RBBP8: variants seen among roughly 807,000 people sequenced by gnomAD.
The protein encoded by RBBP8 is RB binding protein 8, endonuclease.
In RBBP8, 88 loss-of-function variants were observed where a neutral mutation model predicts 108.3. The ratio of observed to expected loss-of-function variants is 0.81; its 90% CI spans 0.68 to 0.97. RBBP8 has a LOEUF of 0.97. RBBP8 is among the 50% of genes least tolerant of loss of function. The pLI, the probability that RBBP8 is intolerant of heterozygous loss-of-function variation, is 0.00. For synonymous variants in RBBP8, 332 were observed against 348.2 expected (o/e 0.95, Z 0.52); for missense variants, 1,023 against 1,049.0 (o/e 0.98, Z 0.34).
In RBBP8 at chr18:22,993,526, T is replaced by A. The variant is rs1915852944; in HGVS notation, c.1699T>A (p.Cys567Ser). 1.9e-6 allele frequency: 3 copies of A among 1,613,220 alleles called. No homozygotes were observed. The highest frequency in any genetic ancestry group is 2.5e-6 in the Non-Finnish European group (3 of 1,179,816). ...CATCATCCTTCAGCCCTTGAATAAA[T>A]GCTCTCCAGACAATAAACCATCATT... ...ECIILQPLNK[C>S]SPDNKPSLQI... The change falls in exon 11 of 19, where the codon TGC becomes AGC. Residue 567 changes from cysteine to serine, a missense_variant. Transcript: ENST00000327155.
chr18:22,957,414 C>A (rs1912675934), intron 4 of RBBP8, among the ~76,000 whole-genome samples: 1 of 143,250 alleles, frequency 7.0e-6, no homozygotes, highest in African/African-American at 2.6e-5. Context: ...AACAGTGAAA[C>A]CATATTGAAT....
At chr18:23,019,290 T>A (rs1470936092) in intron 17 of RBBP8, among the ~76,000 whole-genome samples, 4 of 152,232 alleles carry the variant, frequency 2.6e-5, no homozygotes, top group Non-Finnish European at 4.4e-5. Context: ...TTCTCAATAA[T>A]CATTTCCCGT....
At chr18:23,026,004 C>G in intron 18 of RBBP8, 139 bp from the exon 19 acceptor site, 1 of 719,180 alleles carries the variant, frequency 1.4e-6, no homozygotes, top group Non-Finnish European at 2.4e-6. Context: ...TGAGATCAAT[C>G]ATCAGCATCA....
chr18:23,009,586 C>A (rs2046120589), intron 16 of RBBP8, among the ~76,000 whole-genome samples: 1 of 150,954 alleles, frequency 6.6e-6, no homozygotes, highest in Non-Finnish European at 1.5e-5. Flanking sequence ...TACCAGACTA[C>A]AAGTATATTC....
rs1234728079 is a variant in RBBP8, at chr18:23,026,219, A to C, written c.2673A>C (p.Lys891Asn). Residue 891 changes from lysine (K) to asparagine (N), a missense_variant, in exon 19 of 19, where the codon AAA (lysine) becomes AAC (asparagine). Coordinates refer to ENST00000327155, the MANE Select transcript of RBBP8 (RefSeq NM_002894.3). ...RQPYNAIFSP[K>N]GKEQKT ...CTTACAACGCAATATTTTCTCCAAA[A>C]GGCAAGGAGCAGAAGACATAGACGT... 5.0e-6 allele frequency: 8 copies of C among 1,613,730 alleles called. No individual in the cohort carries two copies. The highest frequency in any genetic ancestry group is 1.3e-5 in the African/African-American group (1 of 75,052).
At chr18:22,974,839 C>T (rs1395681543) in intron 5 of RBBP8, among the ~76,000 whole-genome samples, 3 of 152,088 alleles carry the variant, frequency 2.0e-5, no homozygotes, top group South Asian at 2.1e-4. Context: ...ACTGAGTAAC[C>T]AGATGGAATG....
chr18:22,946,314 G>C, intron 2 of RBBP8, 130 bp from the exon 3 acceptor site: 1 of 1,226,672 alleles, frequency 8.2e-7, no homozygotes, highest in South Asian at 1.4e-5. Flanking sequence ...GTACACGTAA[G>C]GGGCATATAC....
intron 2 of RBBP8, among the ~76,000 whole-genome samples, chr18:22,946,182 T>C (rs1364136924): frequency 2.6e-5 from 4 of 152,222 alleles, no homozygotes; most frequent in African/African-American, 9.6e-5. Flanking sequence ...CTTCTAATTA[T>C]ATGCTTGCCC....
chr18:23,001,844 C>T (rs985755253), intron 15 of RBBP8, 115 bp downstream of exon 15: 2 of 1,368,094 alleles, frequency 1.5e-6, no homozygotes, highest in Non-Finnish European at 2.0e-6. Flanking sequence ...TTTCATATTT[C>T]TTGTATAAAT....
chr18:22,968,860 A>G lies in RBBP8; in HGVS notation c.303A>G (p.Lys101=), dbSNP rs113314442. The change falls in exon 5 of 19, where the codon AAA becomes AAG. Residue 101 remains lysine (K), a synonymous_variant. Transcript: ENST00000327155. ...CAGTAACTGAAGAACATATGCGGAAAAAACAGCAAGAGTTTGAAAATATCC... is the reference window on the plus strand; with the variant it reads ...CAGTAACTGAAGAACATATGCGGAAGAAACAGCAAGAGTTTGAAAATATCC... ...RCAVTEEHMR[K]KQQEFENIRQ... 1.2e-4 allele frequency: 194 copies of G among 1,613,680 alleles called. 1 individual carries two copies. The African/African-American group carries it at 2.0e-3, about 16-fold the overall frequency.
intron 16 of RBBP8, among the ~76,000 whole-genome samples, chr18:23,015,627 A>AT (rs2144814917): frequency 6.6e-6 from 1 of 150,648 alleles, no homozygotes; most frequent in East Asian, 1.9e-4. Context: ...TTTTGAGTTG[A>AT]TTTTTATATT....
chr18:22,991,177 C>T lies in RBBP8; in HGVS notation c.920+128C>T, dbSNP rs1047922956. 3 of 758,938 alleles carry T rather than the reference C, an allele frequency of 4.0e-6. No individual in the cohort carries two copies. The African/African-American group carries it at 5.2e-5, about 13-fold the overall frequency. 47.0% of individuals were successfully genotyped at this position (758,938 alleles called of 1,614,324 possible). ...GTTATTGTGGTTATATAAATGTTTACTTTAAAAATTGTCTCCCTAGTTTCT... is the reference window on the plus strand; with the variant it reads ...GTTATTGTGGTTATATAAATGTTTATTTTAAAAATTGTCTCCCTAGTTTCT... On this transcript the variant is annotated intron_variant, in intron 10 of 18. Coordinates refer to ENST00000327155, the MANE Select transcript of RBBP8 (RefSeq NM_002894.3).
At chr18:22,920,510 A>G (rs577525374) in intron 3 of RBBP8, among the ~76,000 whole-genome samples, 2 of 152,344 alleles carry the variant, frequency 1.3e-5, no homozygotes, top group South Asian at 2.1e-4. Flanking sequence ...TTTAGTTTCA[A>G]AGTTATACCT....
At chr18:22,972,002 C>T (rs1914129771) in intron 5 of RBBP8, among the ~76,000 whole-genome samples, 1 of 151,656 alleles carries the variant, frequency 6.6e-6, no homozygotes, top group African/African-American at 2.4e-5. Context: ...AATTGGGGAA[C>T]ATACATTTAA....
At chr18:22,998,959 C>T (rs901719082) in intron 14 of RBBP8, among the ~76,000 whole-genome samples, 2 of 152,078 alleles carry the variant, frequency 1.3e-5, no homozygotes, top group Non-Finnish European at 2.9e-5. Context: ...GGATACTTTG[C>T]TTTTAAGATT....
chr18:22,922,283 TTC>T (rs935697464), intron 3 of RBBP8, among the ~76,000 whole-genome samples: 58 of 152,222 alleles, frequency 3.8e-4, no homozygotes, highest in South Asian at 2.1e-4. Context: ...TAACTTGAAT[TTC>T]TGTTAGAATA....
In RBBP8 at chr18:22,993,806, C is replaced by T. The variant is rs2045794213; in HGVS notation, c.1898C>T (p.Pro633Leu). ...CELASVLQLN[P>L]CRTGKIKSLQ... ...CTTGCATCAGTTCTTCAGTTAAATCCATGTAGAACTGGTAAAATAAAGTCT... is the reference window on the plus strand; with the variant it reads ...CTTGCATCAGTTCTTCAGTTAAATCTATGTAGAACTGGTAAAATAAAGTCT... Residue 633 changes from proline (P) to leucine (L), a missense_variant, in exon 12 of 19, where the codon CCA (proline) becomes CTA (leucine). Pro to Leu is a moderately conservative substitution (Grantham distance 98). Transcript: ENST00000327155. 6.2e-6 allele frequency: 10 copies of T among 1,613,392 alleles called. No individual in the cohort carries two copies. The highest frequency in any genetic ancestry group is 8.5e-6 in the Non-Finnish European group (10 of 1,179,440).
chr18:22,958,742 A>G (rs1476936149), intron 4 of RBBP8, among the ~76,000 whole-genome samples: 2 of 152,092 alleles, frequency 1.3e-5, no homozygotes, highest in African/African-American at 2.4e-5. Context: ...AGGTCCTCCT[A>G]TGTTGCCCAG....
chr18:22,991,319 G>A (rs989705075), intron 10 of RBBP8, among the ~76,000 whole-genome samples: 2 of 152,154 alleles, frequency 1.3e-5, no homozygotes, highest in Admixed American at 1.3e-4. Flanking sequence ...CTCCTTTAAA[G>A]AGCCAGTCAT....
Sources: allele counts gnomAD v4.1 joint callset (sites outside exome capture counted in the v4.1 genomes callset), GRCh38; gene constraint gnomAD v4.1.1; transcripts MANE v1.5; gene names NCBI Gene and HGNC (gene_info 2026-07-23, HGNC 2026-07-21).